The following C2CD3 variants were observed in gnomAD, a reference collection of about 807,000 sequenced individuals.
The protein encoded by C2CD3 is C2 domain-containing protein 3.
Under a neutral mutation model 234.0 loss-of-function variants are expected in C2CD3, and 148 were observed. The observed-to-expected ratio is 0.63, with a 90% CI of 0.55 to 0.72. C2CD3 has a LOEUF of 0.72. Ranked by LOEUF, C2CD3 falls within the 30% of genes least tolerant of loss-of-function variation. The pLI, the probability that C2CD3 is intolerant of heterozygous loss-of-function variation, is 0.00. For synonymous variants in C2CD3, 1,000 were observed against 1,035.4 expected, an observed-to-expected ratio of 0.97 and a Z score of 0.66; for missense variants, 2,577 against 2,811.5, an observed-to-expected ratio of 0.92 and a Z score of 1.89.
chr11:74,068,685 T>G (rs147134674), intron 24 of C2CD3, among the ~76,000 whole-genome samples: 1 of 152,194 alleles, frequency 6.6e-6, no homozygotes, highest in African/African-American at 2.4e-5. Context: ...GGCCTCGGTT[T>G]TCTCATCAGA....
chr11:74,140,602 T>C (rs770815899), intron 3 of C2CD3, among the ~76,000 whole-genome samples: 4 of 152,208 alleles, frequency 2.6e-5, no homozygotes, highest in African/African-American at 9.6e-5. Flanking sequence ...CTTTCATTCA[T>C]CATCCTGATT....
At chr11:74,104,155 G>C (rs987948692) in intron 13 of C2CD3, among the ~76,000 whole-genome samples, 1 of 152,126 alleles carries the variant, frequency 6.6e-6, no homozygotes, top group Admixed American at 6.5e-5. Flanking sequence ...CCCCAGTGGA[G>C]GAACATTCTT....
At chr11:74,075,182 G>T (rs1192365865) in intron 23 of C2CD3, among the ~76,000 whole-genome samples, 1 of 152,194 alleles carries the variant, frequency 6.6e-6, no homozygotes, top group East Asian at 1.9e-4. Context: ...CAGAGCTGTT[G>T]TGGAAGGGAT....
intron 15 of C2CD3, among the ~76,000 whole-genome samples, chr11:74,099,755 G>T (rs1327756352): frequency 6.6e-6 from 1 of 152,094 alleles, no homozygotes; most frequent in Non-Finnish European, 1.5e-5. Context: ...AATTAGCCAG[G>T]TGTGGTGGCA....
rs559444547 is a variant in C2CD3 at position 74,117,510 on chromosome 11, G to A, written c.1520+718C>T. On this transcript the variant is annotated intron_variant, in intron 9 of 32. Coordinates refer to ENST00000334126, the MANE Select transcript of C2CD3 (RefSeq NM_001286577.2). ...AGGAACAGAAAACCAAATATCATAT[G>A]TTCTCACTCATAAGTGGAAGCAAAG... Among the ~76,000 whole-genome samples the A allele has an allele frequency of 5.8e-4, 88 of 151,320 alleles. 1 individual carries two copies. Among genetic ancestry groups the A allele is most frequent in the African/African-American group, 2.1e-3 (86 of 41,246 alleles).
At chr11:74,148,698 A>T (rs1290237108) in intron 3 of C2CD3, among the ~76,000 whole-genome samples, 1 of 151,530 alleles carries the variant, frequency 6.6e-6, no homozygotes, top group Non-Finnish European at 1.5e-5. Flanking sequence ...GCAGTCCCTC[A>T]CTCCCCAGTC....
chr11:74,086,685 T>G (rs990829189), intron 20 of C2CD3, among the ~76,000 whole-genome samples: 2 of 151,978 alleles, frequency 1.3e-5, no homozygotes, highest in Non-Finnish European at 2.9e-5. Context: ...TGTTCCATGA[T>G]GTATAAATGG....
Position 74,033,981 on chromosome 11 carries a change from C to CT in C2CD3, c.6178dup (p.Ser2060LysfsTer2). On this transcript the variant is annotated frameshift_variant, in exon 31 of 33. Coordinates refer to ENST00000334126, the MANE Select transcript of C2CD3 (RefSeq NM_001286577.2). LOFTEE classifies it high-confidence loss of function. ...GATGTCTTCTTCATAGTCCTCATCA[C>CT]TGTAGGCTGGGCCTGCCTCAGTGTC... is the stretch of plus-strand genomic sequence containing the variant. The CT allele has an allele frequency of 6.5e-7, 1 of 1,536,486 alleles. No individual in the cohort carries two copies. The highest frequency in any genetic ancestry group is 8.7e-7 in the Non-Finnish European group (1 of 1,146,986).
At chr11:74,129,084 G>T (rs1413517306) in intron 7 of C2CD3, 1 of 176,548 alleles carries the variant, frequency 5.7e-6, no homozygotes, top group African/African-American at 3.3e-5. Flanking sequence ...CAGGGTGGTG[G>T]CCGGGCAGAG....
In C2CD3 at chr11:74,057,586, C is replaced by G. The variant is rs1298246965; in HGVS notation, c.4952-42G>C. On this transcript the variant is annotated intron_variant, in intron 24 of 32. Transcript: ENST00000334126. The stretch of plus-strand genomic sequence containing the variant: ...TGCAGTGACTGTACTTTAGGGTACA[C>G]AAGAAGCCTCAGATTATACAGGCAC... 9 of 1,606,870 alleles carry G rather than the reference C, an allele frequency of 5.6e-6. No homozygotes were observed. The South Asian group carries it at 9.9e-5, about 18-fold the overall frequency.
At chr11:74,073,403 A>G (rs1032019682) in intron 24 of C2CD3, among the ~76,000 whole-genome samples, 1 of 152,096 alleles carries the variant, frequency 6.6e-6, no homozygotes, top group Admixed American at 6.5e-5. Flanking sequence ...CCTGTCCAAC[A>G]TGGTGAAAAC....
chr11:74,079,890 T>C (rs529933316), intron 22 of C2CD3, among the ~76,000 whole-genome samples: 11 of 152,268 alleles, frequency 7.2e-5, no homozygotes, highest in Admixed American at 1.3e-4. Flanking sequence ...TAATATTATA[T>C]ATCAGGGCTC....
In C2CD3 at chr11:74,103,150, G is replaced by C; in HGVS notation, c.2561C>G (p.Pro854Arg). The change falls in exon 14 of 33, where the codon CCG becomes CGG. Residue 854 changes from proline (P) to arginine (R), a missense_variant. By Grantham distance (103) the Pro-to-Arg change is moderately radical. Coordinates refer to ENST00000334126, the MANE Select transcript of C2CD3 (RefSeq NM_001286577.2). ...AGTTACCTGAGAAAAGTTAAAGACC[G>C]GTTGTGTTGTGCCCCATGCGATGAC... ...RSVIAWGTTQ[P>R]VFNFSQVIPV... is the part of the protein sequence containing the mutation. The C allele has an allele frequency of 6.2e-7, 1 of 1,611,822 alleles. No individual in the cohort carries two copies. Among genetic ancestry groups the C allele is most frequent in the Non-Finnish European group, 8.5e-7 (1 of 1,178,152 alleles).
chr11:74,123,020 T>C lies in C2CD3; in HGVS notation c.1333A>G (p.Ser445Gly). ...GTATAAAATAAATTCTCCAGAAGAC[T>C]CTGGTCATACTGAGGGTCATTCAGC... is the stretch of plus-strand genomic sequence containing the variant. ...SELNDPQYDQ[S>G]LLENLFYTAP... The change falls in exon 8 of 33, where the codon AGT becomes GGT. Residue 445 changes from serine (S) to glycine (G), a missense_variant. By Grantham distance (56) the Ser-to-Gly change is moderately conservative (BLOSUM62 0). Coordinates refer to ENST00000334126, the MANE Select transcript of C2CD3 (RefSeq NM_001286577.2). 6.2e-7 allele frequency: 1 copy of C among 1,613,618 alleles called. No individual in the cohort carries two copies. The highest frequency in any genetic ancestry group is 8.5e-7 in the Non-Finnish European group (1 of 1,179,558).
intron 3 of C2CD3, among the ~76,000 whole-genome samples, chr11:74,148,152 TG>T (rs1855343755): frequency 6.6e-6 from 1 of 152,180 alleles, no homozygotes; most frequent in South Asian, 2.1e-4. Context: ...TGTTTGTGAA[TG>T]GTTAAGATCT....
Position 74,115,195 on chromosome 11 carries a change from C to T in C2CD3, c.1521-602G>A, listed in dbSNP as rs190452252. 3.9e-3 allele frequency among the ~76,000 whole-genome samples: 582 copies of T among 149,024 alleles called. 10 individuals are homozygous for T. The highest frequency in any genetic ancestry group is 0.035 in the Admixed American group (515 of 14,910). On this transcript the variant is annotated intron_variant, in intron 9 of 32. Transcript: ENST00000334126. ...TTTAAAAATACTATATAGATATATA[C>T]ACACACACACACACATACATACATA...
At chr11:74,098,673 T>C (rs1324259927) in intron 15 of C2CD3, among the ~76,000 whole-genome samples, 1 of 152,256 alleles carries the variant, frequency 6.6e-6, no homozygotes, top group Non-Finnish European at 1.5e-5. Context: ...TAGTATGTGC[T>C]AGGCATTTTA....
chr11:74,067,009 A>G (rs1318352492), intron 24 of C2CD3, among the ~76,000 whole-genome samples: 1 of 152,216 alleles, frequency 6.6e-6, no homozygotes, highest in African/African-American at 2.4e-5. Context: ...TATATTCCAT[A>G]ATACAACCAT....
intron 20 of C2CD3, 119 bp downstream of exon 20, chr11:74,090,694 G>T: frequency 9.4e-7 from 1 of 1,058,318 alleles, no homozygotes; most frequent in Non-Finnish European, 1.4e-6. Context: ...AACAGAAAAA[G>T]AGGAGTTGTG....
Sources: allele counts gnomAD v4.1 joint callset (sites outside exome capture counted in the v4.1 genomes callset), GRCh38; gene constraint gnomAD v4.1.1; transcripts MANE v1.5; gene names NCBI Gene and HGNC (gene_info 2026-07-23, HGNC 2026-07-21).